KIF6: variants seen among roughly 807,000 people sequenced by gnomAD.
KIF6 encodes the protein kinesin family member 6.
A neutral mutation model predicts 112.7 loss-of-function variants in KIF6; 106 were observed. That is an observed-to-expected ratio of 0.94 (90% confidence interval 0.80 to 1.11). The LOEUF (loss-of-function observed/expected upper bound fraction) is 1.11, where lower values mean the gene tolerates loss of function less well. Ranked by LOEUF, KIF6 falls within the 50% of genes least tolerant of loss-of-function variation. The pLI is 0.00. For synonymous variants in KIF6, 339 were observed against 339.9 expected (o/e 1.00, Z 0.03); for missense variants, 929 against 964.0 (o/e 0.96, Z 0.48).
intron 15 of KIF6, among the ~76,000 whole-genome samples, chr6:39,397,575 G>C (rs1024470554): frequency 3.3e-5 from 5 of 152,090 alleles, no homozygotes; most frequent in Non-Finnish European, 5.9e-5. Flanking sequence ...ATTCCAGTAC[G>C]CATGGCTCTG....
At chr6:39,486,011 ACAGT>A (rs751548342) in intron 13 of KIF6, among the ~76,000 whole-genome samples, 8 of 152,196 alleles carry the variant, frequency 5.3e-5, no homozygotes, top group Non-Finnish European at 1.2e-4. Context: ...TCGAATTCAG[ACAGT>A]CAGCCTCCAG....
chr6:39,496,314 T>C (rs1007844363), intron 13 of KIF6, among the ~76,000 whole-genome samples: 8 of 152,080 alleles, frequency 5.3e-5, no homozygotes, highest in African/African-American at 1.9e-4. Context: ...CTAGACTGAG[T>C]TTCGAATGGC....
chr6:39,590,425 G>GTATATATATATA (rs1166869945), intron 7 of KIF6, among the ~76,000 whole-genome samples: 1 of 117,402 alleles, frequency 8.5e-6, no homozygotes, highest in African/African-American at 4.0e-5. Context: ...GTGTATGTGT[G>GTATATATATATA]TGTGTATATA....
intron 10 of KIF6, among the ~76,000 whole-genome samples, chr6:39,553,565 T>A (rs1258794384): frequency 6.6e-6 from 1 of 152,216 alleles, no homozygotes; most frequent in African/African-American, 2.4e-5. Flanking sequence ...GAAATAATTT[T>A]TAAATAAACT....
chr6:39,501,755 A>G (rs1776144851), intron 13 of KIF6, among the ~76,000 whole-genome samples: 1 of 152,234 alleles, frequency 6.6e-6, no homozygotes, highest in Admixed American at 6.5e-5. Context: ...TAGCTTCTGG[A>G]TTAAGACAGG....
chr6:39,392,970 AC>A (rs1176223708), intron 15 of KIF6, among the ~76,000 whole-genome samples: 1 of 152,034 alleles, frequency 6.6e-6, no homozygotes, highest in Non-Finnish European at 1.5e-5. Flanking sequence ...AAATAAATCC[AC>A]CCCCACACAT....
chr6:39,351,584 C>T (rs528859694), intron 19 of KIF6, among the ~76,000 whole-genome samples: 14 of 152,184 alleles, frequency 9.2e-5, no homozygotes, highest in East Asian at 5.8e-4. Context: ...TTGCATCTGT[C>T]GGGCCCCTTG....
At chr6:39,590,451 A>T (rs12190024) in intron 7 of KIF6, among the ~76,000 whole-genome samples, 18,415 of 84,786 alleles carry the variant, frequency 0.22, 3,111 homozygotes, top group African/African-American at 0.49. Flanking sequence ...ATATATATAT[A>T]TTTTTTTTTT....
chr6:39,645,270 C>T lies in KIF6; in HGVS notation c.252-5513G>A, dbSNP rs969630097. On this transcript the variant is annotated intron_variant, in intron 3 of 22. Transcript: ENST00000287152. ...AATTAAACAAAAATAAAGCCTCAAC[C>T]CTTTTGGAGATTATAAACTGAAGTG... Among the ~76,000 whole-genome samples the T allele has an allele frequency of 4.6e-5, 7 of 152,006 alleles. No individual in the cohort carries two copies. The East Asian group carries it at 1.2e-3, about 25-fold the overall frequency.
At chr6:39,500,046 A>C (rs572395894) in intron 13 of KIF6, among the ~76,000 whole-genome samples, 1 of 152,248 alleles carries the variant, frequency 6.6e-6, no homozygotes, top group South Asian at 2.1e-4. Context: ...GTGGAGCATG[A>C]CATCTGGAGT....
chr6:39,654,020 C>T (rs2085698), intron 3 of KIF6, among the ~76,000 whole-genome samples: 8,298 of 152,192 alleles, frequency 0.055, 743 homozygotes, highest in African/African-American at 0.19. Context: ...TTGTTGTTTT[C>T]ACCACAGCAC....
chr6:39,548,414 A>G (rs993595197), intron 10 of KIF6, among the ~76,000 whole-genome samples: 1 of 152,216 alleles, frequency 6.6e-6, no homozygotes, highest in Non-Finnish European at 1.5e-5. Flanking sequence ...CCTGAGTAAA[A>G]GAACTGATCG....
intron 13 of KIF6, among the ~76,000 whole-genome samples, chr6:39,455,955 T>C (rs1773066540): frequency 1.1e-5 from 1 of 93,242 alleles, no homozygotes; most frequent in African/African-American, 4.2e-5. Flanking sequence ...TGCAGGATAT[T>C]ATCCAGGAGA....
chr6:39,340,599 G>A (rs1763274444), intron 22 of KIF6, among the ~76,000 whole-genome samples: 1 of 152,160 alleles, frequency 6.6e-6, no homozygotes, highest in South Asian at 2.1e-4. Context: ...ATGCCTTACA[G>A]GAGCGTTAAG....
At chr6:39,708,946 T>C (rs1789375324) in intron 3 of KIF6, among the ~76,000 whole-genome samples, 2 of 150,270 alleles carry the variant, frequency 1.3e-5, no homozygotes, top group Admixed American at 1.3e-4. Context: ...TGCAATACCA[T>C]AGACATTTGT....
intron 13 of KIF6, among the ~76,000 whole-genome samples, chr6:39,432,082 T>C (rs9394592): frequency 0.081 from 12,364 of 152,170 alleles, 711 homozygotes; most frequent in East Asian, 0.24. Flanking sequence ...AACCCTCTTT[T>C]CACCATGTTC....
At chr6:39,641,437 T>C (rs1047585086) in intron 3 of KIF6, among the ~76,000 whole-genome samples, 1 of 151,016 alleles carries the variant, frequency 6.6e-6, no homozygotes. Context: ...AGGTGGGAAT[T>C]GAACATGAGA....
chr6:39,467,501 A>C (rs1344203254), intron 13 of KIF6, among the ~76,000 whole-genome samples: 1 of 152,130 alleles, frequency 6.6e-6, no homozygotes, highest in Non-Finnish European at 1.5e-5. Context: ...GGAAAAAAAA[A>C]ACACAGAGAG....
chr6:39,535,321 T>G (rs909252445), intron 13 of KIF6, among the ~76,000 whole-genome samples: 2 of 152,108 alleles, frequency 1.3e-5, no homozygotes, highest in Admixed American at 1.3e-4. Flanking sequence ...GAAACCCATC[T>G]CATGTGCAGA....
Sources: gnomAD v4.1 joint callset for allele counts (sites outside exome capture counted in the v4.1 genomes callset) on GRCh38, gnomAD v4.1.1 for gene constraint, MANE v1.5 for transcripts, NCBI Gene and HGNC (gene_info 2026-07-23, HGNC 2026-07-21) for gene names.